The following PLXNA4 variants were observed in gnomAD, a reference collection of about 807,000 sequenced individuals.
PLXNA4 encodes the protein plexin-A4.
In PLXNA4, 44 loss-of-function variants were observed where a neutral mutation model predicts 191.8. The ratio of observed to expected loss-of-function variants is 0.23; its 90% CI spans 0.18 to 0.29. The LOEUF is 0.29. Among genes scored for constraint, PLXNA4 ranks in the 10% least tolerant of loss-of-function variants. PLXNA4 has a pLI of 1.00. For synonymous variants in PLXNA4, 1,082 were observed against 1,009.5 expected, an observed-to-expected ratio of 1.07 and a Z score of -1.36; for missense variants, 1,800 against 2,488.8, an observed-to-expected ratio of 0.72 and a Z score of 5.89.
chr7:132,320,169 A>T (rs1802107201), intron 3 of PLXNA4, among the ~76,000 whole-genome samples: 1 of 152,244 alleles, frequency 6.6e-6, no homozygotes, highest in Non-Finnish European at 1.5e-5. Flanking sequence ...GGGGTGCCAT[A>T]ACAGGTGACC....
intron 3 of PLXNA4, among the ~76,000 whole-genome samples, chr7:132,456,537 C>G (rs1796323029): frequency 6.6e-6 from 1 of 152,198 alleles, no homozygotes; most frequent in Non-Finnish European, 1.5e-5. Flanking sequence ...CGGGTCTGGA[C>G]AGTGATAGGA....
chr7:132,399,014 A>G (rs1385483730), intron 3 of PLXNA4, among the ~76,000 whole-genome samples: 2 of 152,118 alleles, frequency 1.3e-5, no homozygotes, highest in East Asian at 3.9e-4. Context: ...AAGGCCTCTC[A>G]ACCACAGGGC....
chr7:132,507,434 A>G, intron 2 of PLXNA4, 72 bp downstream of exon 2: 2 of 1,483,292 alleles, frequency 1.3e-6, no homozygotes, highest in Non-Finnish European at 1.8e-6. Context: ...TACACATCCC[A>G]TGGGGGCTAC....
At chr7:132,390,047 C>G (rs1805333758) in intron 3 of PLXNA4, among the ~76,000 whole-genome samples, 1 of 152,118 alleles carries the variant, frequency 6.6e-6, no homozygotes, top group Admixed American at 6.5e-5. Flanking sequence ...TACCATTTGA[C>G]CCAGCAATCC....
At chr7:132,595,465 C>T (rs901965048) in intron 2 of PLXNA4, among the ~76,000 whole-genome samples, 7 of 152,230 alleles carry the variant, frequency 4.6e-5, no homozygotes, top group East Asian at 1.9e-4. Context: ...GAATTCTGTG[C>T]GCATAAGTTT....
At position 132,140,828 on chromosome 7, in the gene PLXNA4, G is replaced by C. The variant is rs781368721; in HGVS notation, c.5226-17C>G. The stretch of plus-strand genomic sequence containing the variant: ...AGGGGCAGGCTGCGTGGAAGGAAGA[G>C]GCAGATGGTCAGGAAAGACGGGGCA... On this transcript the variant is annotated splice_polypyrimidine_tract_variant and intron_variant, in intron 29 of 31. Transcript: ENST00000321063. 1 of 1,613,542 alleles carries C rather than the reference G, an allele frequency of 6.2e-7. No homozygotes were observed. Among genetic ancestry groups the C allele is most frequent in the Non-Finnish European group, 8.5e-7 (1 of 1,179,738 alleles).
chr7:132,125,238 A>G lies in PLXNA4; in HGVS notation c.*5241T>C, dbSNP rs1417354010. The G allele has an allele frequency of 6.6e-6, 1 of 152,144 alleles. No homozygotes were observed. The allele number at this position is 152,144 out of a possible 1,614,324, so 9.4% of individuals were successfully genotyped here. On this transcript the variant is annotated 3_prime_UTR_variant, in exon 32 of 32. Transcript: ENST00000321063. ...GCTGTGTCTCAGCTCCCCACTCTAT[A>G]AAATAAGGCTCTTGTTTCCTACATA...
intron 3 of PLXNA4, among the ~76,000 whole-genome samples, chr7:132,457,380 A>G (rs777003964): frequency 1.1e-4 from 17 of 152,340 alleles, no homozygotes; most frequent in Middle Eastern, 6.8e-3. Flanking sequence ...ATCTTAAGTC[A>G]TCTCTCCTTT....
At chr7:132,322,184 C>CTGTTTTTTTTT (rs376377991) in intron 3 of PLXNA4, among the ~76,000 whole-genome samples, 1 of 122,520 alleles carries the variant, frequency 8.2e-6, no homozygotes, top group Non-Finnish European at 1.7e-5. Flanking sequence ...CCTAAAAGGG[C>CTGTTTTTTTTT]TTTTTTTTTT....
intron 3 of PLXNA4, among the ~76,000 whole-genome samples, chr7:132,367,168 T>C (rs991509775): frequency 2.0e-5 from 3 of 152,206 alleles, no homozygotes; most frequent in Non-Finnish European, 4.4e-5. Flanking sequence ...ATAGAGCAAG[T>C]GCAAGTTGCA....
At chr7:132,375,395 T>C (rs1804620381) in intron 3 of PLXNA4, among the ~76,000 whole-genome samples, 1 of 150,960 alleles carries the variant, frequency 6.6e-6, no homozygotes, top group Non-Finnish European at 1.5e-5. Context: ...TAGAAAAGGC[T>C]CAAGAATAAT....
At chr7:132,497,722 T>C (rs1327088574) in intron 2 of PLXNA4, among the ~76,000 whole-genome samples, 1 of 152,104 alleles carries the variant, frequency 6.6e-6, no homozygotes, top group Non-Finnish European at 1.5e-5. Context: ...CCCTATGAGA[T>C]TGAAGTCTCT....
At chr7:132,461,776 G>A (rs1265200233) in intron 3 of PLXNA4, among the ~76,000 whole-genome samples, 2 of 152,190 alleles carry the variant, frequency 1.3e-5, no homozygotes, top group Non-Finnish European at 2.9e-5. Flanking sequence ...ACAACTTTGA[G>A]GGAAAGAAAA....
intron 25 of PLXNA4, 133 bp from the exon 26 acceptor site, chr7:132,148,779 C>T (rs1042104180): frequency 5.3e-5 from 72 of 1,367,128 alleles, no homozygotes; most frequent in East Asian, 1.0e-4. Context: ...CATGCTCCTG[C>T]GAAAATGGAG....
At chr7:132,545,736 T>C (rs1204285503) in intron 1 of PLXNA4, among the ~76,000 whole-genome samples, 1 of 152,152 alleles carries the variant, frequency 6.6e-6, no homozygotes, top group African/African-American at 2.4e-5. Flanking sequence ...AATTTGGAAC[T>C]AAGGTGTTAA....
intron 16 of PLXNA4, among the ~76,000 whole-genome samples, chr7:132,184,498 A>G (rs1483206175): frequency 5.3e-5 from 8 of 152,184 alleles, no homozygotes; most frequent in Non-Finnish European, 1.0e-4. Flanking sequence ...AGGCAGACTC[A>G]TGCCGTGTGC....
intron 24 of PLXNA4, 26 bp from the exon 25 acceptor site, chr7:132,159,658 C>T (rs1472292700): frequency 6.2e-7 from 1 of 1,612,476 alleles, no homozygotes; most frequent in Non-Finnish European, 8.5e-7. Flanking sequence ...GGAGAGGAAG[C>T]ATATGAAATG....
chr7:132,311,367 T>C (rs1413762198), intron 3 of PLXNA4, among the ~76,000 whole-genome samples: 1 of 152,102 alleles, frequency 6.6e-6, no homozygotes, highest in East Asian at 1.9e-4. Flanking sequence ...TTGTGTCACT[T>C]ATATGCATTG....
chr7:132,319,269 C>G (rs1378374218), intron 3 of PLXNA4, among the ~76,000 whole-genome samples: 2 of 152,302 alleles, frequency 1.3e-5, no homozygotes, highest in East Asian at 3.9e-4. Context: ...CACTGAGACT[C>G]TCACGCAGCA....
Sources: gnomAD v4.1 joint callset for allele counts (sites outside exome capture counted in the v4.1 genomes callset) on GRCh38, gnomAD v4.1.1 for gene constraint, MANE v1.5 for transcripts, NCBI Gene and HGNC (gene_info 2026-07-23, HGNC 2026-07-21) for gene names.